The following PCDH7 variants were observed in gnomAD, a reference collection of about 807,000 sequenced individuals.
The protein encoded by PCDH7 is protocadherin 7.
Under a neutral mutation model 58.9 loss-of-function variants are expected in PCDH7, and 17 were observed. That is an observed-to-expected ratio of 0.29 (90% CI 0.20 to 0.43). The LOEUF is 0.43. PCDH7 is among the 20% of genes least tolerant of loss of function. The probability of loss-of-function intolerance (pLI) is 1.00; values close to 1 mark genes in which losing one functional copy is unlikely to be tolerated. For synonymous variants in PCDH7, 664 were observed against 616.4 expected (o/e 1.08, Z -1.14); for missense variants, 1,274 against 1,441.0 (o/e 0.88, Z 1.88).
intron 3 of PCDH7, among the ~76,000 whole-genome samples, chr4:31,058,754 C>G (rs1199954515): frequency 6.6e-6 from 1 of 151,972 alleles, no homozygotes; most frequent in African/African-American, 2.4e-5. Context: ...AATAAACACT[C>G]TCTCATGTAG....
At chr4:31,070,179 C>G (rs962476953) in intron 3 of PCDH7, among the ~76,000 whole-genome samples, 1 of 151,894 alleles carries the variant, frequency 6.6e-6, no homozygotes, top group Non-Finnish European at 1.5e-5. Flanking sequence ...CATGTGTGTA[C>G]GAGAATAAAT....
intron 3 of PCDH7, among the ~76,000 whole-genome samples, chr4:31,121,038 C>T (rs1222746122): frequency 6.6e-6 from 1 of 152,076 alleles, no homozygotes; most frequent in Non-Finnish European, 1.5e-5. Flanking sequence ...AAATGCATGC[C>T]ACTCATAATG....
At chr4:30,905,877 A>G (rs1472351000) in intron 1 of PCDH7, among the ~76,000 whole-genome samples, 1 of 152,204 alleles carries the variant, frequency 6.6e-6, no homozygotes, top group African/African-American at 2.4e-5. Flanking sequence ...TAGATAAATG[A>G]GATCTTGCAG....
chr4:30,767,656 C>A (rs1720923863), intron 1 of PCDH7, among the ~76,000 whole-genome samples: 1 of 152,274 alleles, frequency 6.6e-6, no homozygotes, highest in South Asian at 2.1e-4. Context: ...GCTCTGCCAA[C>A]AGTCAGGAAA....
At chr4:30,810,615 TC>T (rs1257390878) in intron 1 of PCDH7, among the ~76,000 whole-genome samples, 1 of 135,208 alleles carries the variant, frequency 7.4e-6, no homozygotes, top group Non-Finnish European at 1.5e-5. Flanking sequence ...CTTCTCATTT[TC>T]TTTTTTTTTT....
At chr4:30,846,485 GT>G (rs200889915) in intron 1 of PCDH7, among the ~76,000 whole-genome samples, 181 of 144,286 alleles carry the variant, frequency 1.3e-3, no homozygotes, top group Middle Eastern at 3.5e-3. Flanking sequence ...AGAACTGTGA[GT>G]TTTTTTTTTT....
intron 1 of PCDH7, among the ~76,000 whole-genome samples, chr4:30,814,550 A>G (rs1727431723): frequency 6.6e-6 from 1 of 151,918 alleles, no homozygotes; most frequent in Non-Finnish European, 1.5e-5. Context: ...CTGGCCTAAG[A>G]AATTTTTTTT....
chr4:30,801,797 A>C (rs2109306656), intron 1 of PCDH7, among the ~76,000 whole-genome samples: 1 of 152,218 alleles, frequency 6.6e-6, no homozygotes, highest in East Asian at 1.9e-4. Flanking sequence ...TGAGAAGTTA[A>C]TAGGAACAGG....
At chr4:31,038,889 C>T (rs1209527234) in intron 3 of PCDH7, among the ~76,000 whole-genome samples, 1 of 152,110 alleles carries the variant, frequency 6.6e-6, no homozygotes, top group African/African-American at 2.4e-5. Flanking sequence ...CATAAATCTG[C>T]TGTTAAACCT....
chr4:30,753,814 A>G (rs1231806182), intron 1 of PCDH7, among the ~76,000 whole-genome samples: 1 of 152,200 alleles, frequency 6.6e-6, no homozygotes, highest in African/African-American at 2.4e-5. Context: ...TCCCAAAAAA[A>G]TAATTACCAG....
At chr4:31,023,885 C>T (rs1209784039) in intron 3 of PCDH7, among the ~76,000 whole-genome samples, 3 of 152,062 alleles carry the variant, frequency 2.0e-5, no homozygotes, top group Non-Finnish European at 4.4e-5. Flanking sequence ...TGTTCAGAGA[C>T]ATGTAAAAGA....
At chr4:31,036,273 C>T (rs940218034) in intron 3 of PCDH7, among the ~76,000 whole-genome samples, 1 of 152,160 alleles carries the variant, frequency 6.6e-6, no homozygotes, top group Non-Finnish European at 1.5e-5. Flanking sequence ...GCAACCTCTG[C>T]TTCCTAGGTT....
chr4:31,112,137 C>G (rs1716395532), intron 3 of PCDH7, among the ~76,000 whole-genome samples: 1 of 152,066 alleles, frequency 6.6e-6, no homozygotes, highest in Non-Finnish European at 1.5e-5. Context: ...ATTTGACTAC[C>G]TTTTTATATA....
intron 1 of PCDH7, among the ~76,000 whole-genome samples, chr4:30,729,586 A>G (rs1469230888): frequency 1.3e-5 from 2 of 152,172 alleles, no homozygotes; most frequent in African/African-American, 2.4e-5. Context: ...AGCAATTAGT[A>G]TATTTCAATA....
chr4:30,993,458 C>A (rs970679306), intron 3 of PCDH7, among the ~76,000 whole-genome samples: 12 of 152,038 alleles, frequency 7.9e-5, no homozygotes, highest in African/African-American at 2.9e-4. Flanking sequence ...CAGCAAGATG[C>A]TATGAAAATG....
In PCDH7 at chr4:30,885,427, T is replaced by C. The variant is rs575930691; in HGVS notation, c.71-34726T>C. Among the ~76,000 whole-genome samples the C allele has an allele frequency of 2.6e-5, 4 of 152,242 alleles. No individual in the cohort carries two copies. In the South Asian group the frequency reaches 8.3e-4, roughly 32 times the overall value. Reference sequence around the variant, plus strand: ...TGAATTAATAAGGGCAAAACACTAATATTGGCACATGGTTCCTAATGAGCA... The same window carrying C: ...TGAATTAATAAGGGCAAAACACTAACATTGGCACATGGTTCCTAATGAGCA... On this transcript the variant is annotated intron_variant, in intron 1 of 3. Coordinates refer to the PCDH7 transcript ENST00000509759.
chr4:30,914,334 G>A (rs550152239), intron 1 of PCDH7, among the ~76,000 whole-genome samples: 6 of 152,236 alleles, frequency 3.9e-5, no homozygotes, highest in Admixed American at 1.3e-4. Context: ...ACTCTAAAAT[G>A]TCTGAGTAGT....
chr4:31,022,790 T>G (rs1754130741), intron 3 of PCDH7, among the ~76,000 whole-genome samples: 1 of 152,308 alleles, frequency 6.6e-6, no homozygotes, highest in Non-Finnish European at 1.5e-5. Context: ...TGAGTCAAAC[T>G]TGGCCCTTGT....
intron 3 of PCDH7, among the ~76,000 whole-genome samples, chr4:31,094,362 GC>G (rs1159262853): frequency 7.9e-5 from 12 of 152,020 alleles, no homozygotes; most frequent in Non-Finnish European, 1.3e-4. Context: ...ATGACAGATT[GC>G]TCTATGACTA....
Sources: allele counts gnomAD v4.1 joint callset (sites outside exome capture counted in the v4.1 genomes callset), GRCh38; gene constraint gnomAD v4.1.1; transcripts MANE v1.5; gene names NCBI Gene and HGNC (gene_info 2026-07-23, HGNC 2026-07-21).